ZFAT: variants seen among roughly 807,000 people sequenced by gnomAD.
ZFAT encodes zinc finger and AT-hook domain containing.
ZFAT carries 64 observed loss-of-function variants against 117.7 expected under a neutral mutation model. That is an observed-to-expected ratio of 0.54 (90% CI 0.44 to 0.67). ZFAT has a LOEUF of 0.67. Ranked by LOEUF, ZFAT falls within the 30% of genes least tolerant of loss-of-function variation. The pLI is 0.00. For synonymous variants in ZFAT, 679 were observed against 615.0 expected (o/e 1.10, Z -1.54); for missense variants, 1,433 against 1,584.5 (o/e 0.90, Z 1.62).
intron 1 of ZFAT, among the ~76,000 whole-genome samples, chr8:134,692,562 G>A (rs992006159): frequency 3.3e-5 from 5 of 152,140 alleles, no homozygotes; most frequent in Non-Finnish European, 5.9e-5. Flanking sequence ...ACTGAAATAC[G>A]CTCACCTCCA....
intron 3 of ZFAT, among the ~76,000 whole-genome samples, chr8:134,624,523 G>C (rs1017395741): frequency 6.6e-6 from 1 of 152,130 alleles, no homozygotes; most frequent in South Asian, 2.1e-4. Context: ...CGGGCATGGG[G>C]GCGCACACCT....
chr8:134,484,907 C>T (rs1192348093), intron 15 of ZFAT, among the ~76,000 whole-genome samples: 1 of 152,122 alleles, frequency 6.6e-6, no homozygotes, highest in African/African-American at 2.4e-5. Flanking sequence ...GAGTTCCTCC[C>T]GCCTCAGCTT....
chr8:134,817,436 C>CACACAA, the ZFAT span, among the ~76,000 whole-genome samples: 1 of 126,838 alleles, frequency 7.9e-6, no homozygotes, highest in Non-Finnish European at 1.7e-5. Flanking sequence ...CACACACACA[C>CACACAA]AACGCACCCT....
At chr8:134,794,986 T>C in the ZFAT span, 1 of 152,236 alleles carries the variant, frequency 6.6e-6, no homozygotes, top group South Asian at 2.1e-4. Flanking sequence ...TTTTTTATTT[T>C]AATTTTTTTA....
At chr8:134,599,643 G>A (rs1198326446) in intron 7 of ZFAT, 6 of 394,574 alleles carry the variant, frequency 1.5e-5, no homozygotes, top group Non-Finnish European at 3.0e-5. Flanking sequence ...TTTATGCCAG[G>A]AAACCATGGT....
chr8:134,674,417 G>A (rs1392744713), intron 1 of ZFAT, among the ~76,000 whole-genome samples: 2 of 152,156 alleles, frequency 1.3e-5, no homozygotes, highest in South Asian at 4.1e-4. Context: ...GTGGGGGAAG[G>A]GGCATCCATC....
At chr8:134,579,641 C>T (rs207469913) in intron 10 of ZFAT, among the ~76,000 whole-genome samples, 5 of 152,090 alleles carry the variant, frequency 3.3e-5, no homozygotes, top group Non-Finnish European at 5.9e-5. Context: ...CATAAGACTG[C>T]GGGGATCACC....
At chr8:134,680,534 T>C (rs1249483872) in intron 1 of ZFAT, among the ~76,000 whole-genome samples, 1 of 152,214 alleles carries the variant, frequency 6.6e-6, no homozygotes, top group East Asian at 1.9e-4. Context: ...GGAAGCTTTC[T>C]ACACTTCACT....
At chr8:134,717,082 C>G (rs1406152187), upstream of ZFAT, among the ~76,000 whole-genome samples, 1 of 152,062 alleles carries the variant, frequency 6.6e-6, no homozygotes, top group African/African-American at 2.4e-5. Context: ...AATGGATTAG[C>G]CAGATGTCCT....
Position 134,478,471 on chromosome 8 carries a change from C to T in ZFAT, c.*11G>A. Reference sequence around the variant, plus strand: ...AGCCCCGCCCTGTGGCCATCCGATGCCACATGTCCTCTAGAGTTCCTGGGC... The same window carrying T: ...AGCCCCGCCCTGTGGCCATCCGATGTCACATGTCCTCTAGAGTTCCTGGGC... On this transcript the variant is annotated 3_prime_UTR_variant, in exon 16 of 16. Transcript: ENST00000377838. This position sits in a 1 kb window ranked among gnomAD's most constrained non-coding sequence, Gnocchi z 5.2. The T allele has an allele frequency of 1.3e-6, 2 of 1,555,010 alleles. No individual in the cohort carries two copies. The highest frequency in any genetic ancestry group is 1.7e-6 in the Non-Finnish European group (2 of 1,148,890).
chr8:134,685,246 T>A (rs1355451345), intron 1 of ZFAT, among the ~76,000 whole-genome samples: 1 of 152,002 alleles, frequency 6.6e-6, no homozygotes, highest in African/African-American at 2.4e-5. Flanking sequence ...CCCAGTCAGA[T>A]AAATTAAAAA....
At chr8:134,553,393 C>T (rs1586696733) in intron 11 of ZFAT, among the ~76,000 whole-genome samples, 3 of 152,284 alleles carry the variant, frequency 2.0e-5, no homozygotes, top group South Asian at 4.1e-4. Context: ...ATCCCAGCTA[C>T]TCAGGAGGCT....
intron 12 of ZFAT, among the ~76,000 whole-genome samples, chr8:134,532,199 C>T (rs181172292): frequency 6.6e-6 from 1 of 152,292 alleles, no homozygotes; most frequent in Admixed American, 6.5e-5. Context: ...TTCATCAATT[C>T]TCATTAGTTT....
rs1446526798 is a variant in ZFAT, at chr8:134,601,682, A to G, written c.2037T>C (p.Ala679=). Residue 679 remains alanine (A), a synonymous_variant, in exon 6 of 16, where the codon GCT becomes GCC. Coordinates refer to ENST00000377838, the MANE Select transcript of ZFAT (RefSeq NM_020863.4). ...DPSRCLRSNP[A]EASDLLPPVA... The stretch of plus-strand genomic sequence containing the variant: ...CTGGAGGGAGGAGGTCTGAGGCCTC[A>G]GCTGGGTTTGACCTGAGACACCTGC... The G allele has an allele frequency of 1.9e-6, 3 of 1,613,934 alleles. No homozygotes were observed. In the African/African-American group the frequency reaches 4.0e-5, roughly 22 times the overall value.
At chr8:134,555,357 G>A (rs972346681) in intron 11 of ZFAT, among the ~76,000 whole-genome samples, 4 of 152,180 alleles carry the variant, frequency 2.6e-5, no homozygotes, top group African/African-American at 9.7e-5. Context: ...AGCATAAATC[G>A]CATTGTTTGT....
At chr8:134,739,140 T>C in the ZFAT span, among the ~76,000 whole-genome samples, 1 of 152,192 alleles carries the variant, frequency 6.6e-6, no homozygotes, top group Non-Finnish European at 1.5e-5. Flanking sequence ...TCAGAATGGA[T>C]AATGCCATAG....
chr8:134,655,378 T>G (rs1377033353), intron 2 of ZFAT, among the ~76,000 whole-genome samples: 1 of 152,234 alleles, frequency 6.6e-6, no homozygotes, highest in Non-Finnish European at 1.5e-5. Context: ...CGGGGTACGG[T>G]GGCTCACACC....
rs181835604 is a variant in ZFAT, at chr8:134,675,383, A to G, written c.20-17646T>C. On this transcript the variant is annotated intron_variant, in intron 1 of 15. Transcript: ENST00000377838. ...ATTGAAGATCAACTCAATGAAATAA[A>G]GTGAGAAGACAAGATTAGAGAAAAA... is the stretch of plus-strand genomic sequence containing the variant. Among the ~76,000 whole-genome samples, 90 of 152,358 alleles carry G rather than the reference A, an allele frequency of 5.9e-4. 1 individual carries two copies. Among genetic ancestry groups the G allele is most frequent in the Non-Finnish European group, 1.2e-4 (8 of 68,026 alleles).
At chr8:134,494,899 T>C (rs1818319119) in intron 15 of ZFAT, among the ~76,000 whole-genome samples, 1 of 152,228 alleles carries the variant, frequency 6.6e-6, no homozygotes, top group South Asian at 2.1e-4. Flanking sequence ...GGTGTTGACA[T>C]GACAGTCTCC....
Sources: gnomAD v4.1 joint callset for allele counts (sites outside exome capture counted in the v4.1 genomes callset) on GRCh38, gnomAD v4.1.1 for gene constraint, Gnocchi (gnomAD v3.1) non-coding constraint, MANE v1.5 for transcripts, NCBI Gene and HGNC (gene_info 2026-07-23, HGNC 2026-07-21) for gene names.